Variants in ANKHD1 observed in about 807,000 individuals in gnomAD.
ANKHD1 encodes the protein ankyrin repeat and KH domain containing 1, also known as ankyrin repeat and KH domain-containing protein 1.
Under a neutral mutation model 230.5 loss-of-function variants are expected in ANKHD1, and 31 were observed. The ratio of observed to expected loss-of-function variants is 0.13; its 90% CI spans 0.10 to 0.18. ANKHD1 has a LOEUF of 0.18. ANKHD1 is among the 10% of genes least tolerant of loss of function. ANKHD1 has a pLI of 1.00. For synonymous variants in ANKHD1, 1,074 were observed against 1,117.6 expected (o/e 0.96, Z 0.78); for missense variants, 2,256 against 3,071.3 (o/e 0.73, Z 6.27).
At chr5:140,480,679 C>T (rs557120867) in intron 10 of ANKHD1, among the ~76,000 whole-genome samples, 2 of 152,150 alleles carry the variant, frequency 1.3e-5, no homozygotes, top group South Asian at 2.1e-4. Context: ...GTTGACTTTC[C>T]TTTCTCTTAT....
chr5:140,453,360 G>C (rs1460054964), intron 7 of ANKHD1, among the ~76,000 whole-genome samples: 1 of 152,120 alleles, frequency 6.6e-6, no homozygotes, highest in Non-Finnish European at 1.5e-5. Context: ...GAAATACAGA[G>C]AATGCCACAA....
intron 7 of ANKHD1, among the ~76,000 whole-genome samples, chr5:140,451,684 T>A (rs772561959): frequency 4.6e-5 from 7 of 152,086 alleles, no homozygotes; most frequent in Non-Finnish European, 8.8e-5. Flanking sequence ...AATTTTTGTA[T>A]TTTTTGTAGG....
Position 140,513,357 on chromosome 5 carries a change from C to G in ANKHD1, c.4201-6C>G. 6.2e-7 allele frequency: 1 copy of G among 1,605,414 alleles called. No individual in the cohort carries two copies. The highest frequency in any genetic ancestry group is 1.3e-5 in the African/African-American group (1 of 74,508). On this transcript the variant is annotated splice_polypyrimidine_tract_variant and splice_region_variant and intron_variant, in intron 23 of 33. Coordinates refer to ENST00000360839, the MANE Select transcript of ANKHD1 (RefSeq NM_017747.3). ...TATATTTACATAATTCTATTTCCTG[C>G]TGTAGGAACTGTTGAAAAAATGTCA... is the stretch of plus-strand genomic sequence containing the variant.
Position 140,485,059 on chromosome 5 carries a change from AT to A in ANKHD1, c.1871-60del. 1 of 1,532,374 alleles carries A rather than the reference AT, an allele frequency of 6.5e-7. No individual in the cohort carries two copies. The highest frequency in any genetic ancestry group is 1.2e-5 in the South Asian group (1 of 81,692). The allele number at this position is 1,532,374 out of a possible 1,614,324, so 94.9% of individuals were successfully genotyped here. A position where few individuals can be genotyped will look rare whatever the true frequency, so the allele number is the denominator to read the frequency against. ...ACTTCACAAAAAATTTTTAAATGAT[AT>A]TGACTATGAACTAGCTTGATGTCAA... is the stretch of plus-strand genomic sequence containing the variant. On this transcript the variant is annotated intron_variant, in intron 11 of 33. Transcript: ENST00000360839. This position sits in a 1 kb window ranked among gnomAD's most constrained non-coding sequence, Gnocchi z 4.8.
intron 11 of ANKHD1, among the ~76,000 whole-genome samples, chr5:140,484,347 T>C (rs1432627618): frequency 2.0e-5 from 3 of 152,206 alleles, no homozygotes; most frequent in African/African-American, 7.2e-5. Flanking sequence ...AAAAATAATT[T>C]ATCAAAAAAG....
chr5:140,402,323 C>T (rs1013861221), intron 1 of ANKHD1, 50 bp downstream of exon 1: 8 of 1,419,482 alleles, frequency 5.6e-6, no homozygotes, highest in African/African-American at 3.0e-5. Flanking sequence ...CGTGAATTCT[C>T]TTTGGGTAGG....
chr5:140,536,838 A>G (rs1436236820), intron 30 of ANKHD1, among the ~76,000 whole-genome samples: 1 of 152,174 alleles, frequency 6.6e-6, no homozygotes, highest in African/African-American at 2.4e-5. Flanking sequence ...AGCCTGACCA[A>G]CATGGAGAAA....
intron 1 of ANKHD1, among the ~76,000 whole-genome samples, chr5:140,415,985 T>C (rs1397219976): frequency 6.6e-6 from 1 of 152,130 alleles, no homozygotes; most frequent in Non-Finnish European, 1.5e-5. Flanking sequence ...CCCCACCCTG[T>C]GTCCAAGTGT....
chr5:140,420,350 A>ATT (rs1771877032), intron 1 of ANKHD1, among the ~76,000 whole-genome samples: 1 of 151,940 alleles, frequency 6.6e-6, no homozygotes, highest in Non-Finnish European at 1.5e-5. Context: ...CAATTTATAT[A>ATT]TTTATCTTTT....
intron 10 of ANKHD1, among the ~76,000 whole-genome samples, chr5:140,472,838 A>G (rs537534291): frequency 6.6e-5 from 10 of 152,162 alleles, no homozygotes; most frequent in Non-Finnish European, 1.5e-4. Flanking sequence ...AAGAAGGTGA[A>G]TATTTTTTCA....
intron 31 of ANKHD1, 29 bp downstream of exon 31, chr5:140,537,618 G>A: frequency 1.3e-6 from 2 of 1,501,096 alleles, no homozygotes; most frequent in South Asian, 1.4e-5. Flanking sequence ...CTCTCTGGAG[G>A]GATATCTTAA....
chr5:140,416,545 A>C (rs1193721390), intron 1 of ANKHD1, among the ~76,000 whole-genome samples: 1 of 152,138 alleles, frequency 6.6e-6, no homozygotes. Flanking sequence ...GATCTATTCC[A>C]TTGGTCTATA....
At chr5:140,414,351 C>T (rs1771182378) in intron 1 of ANKHD1, among the ~76,000 whole-genome samples, 1 of 152,142 alleles carries the variant, frequency 6.6e-6, no homozygotes, top group African/African-American at 2.4e-5. Flanking sequence ...CATATTCTAG[C>T]CAACAGTTAT....
intron 7 of ANKHD1, among the ~76,000 whole-genome samples, chr5:140,454,593 A>C (rs1775015834): frequency 6.6e-6 from 1 of 152,232 alleles, no homozygotes; most frequent in African/African-American, 2.4e-5. Context: ...GAAACTGAAC[A>C]ACCTGCTCCT....
chr5:140,464,244 A>C (rs1775930398), intron 9 of ANKHD1, among the ~76,000 whole-genome samples: 2 of 152,122 alleles, frequency 1.3e-5, no homozygotes, highest in South Asian at 4.1e-4. Flanking sequence ...AAAAAAAAAA[A>C]AAACTTATAT....
At chr5:140,517,582 C>T (rs1233694785) in intron 24 of ANKHD1, among the ~76,000 whole-genome samples, 20 of 90,982 alleles carry the variant, frequency 2.2e-4, no homozygotes, top group Admixed American at 6.4e-4. Flanking sequence ...GAAATTATAA[C>T]AAACTATCTC....
rs1751472525 is a variant in ANKHD1 at position 140,485,669 on chromosome 5, T to C, written c.2079T>C (p.Asn693=). The part of the protein sequence containing the change: ...VVSYLLDYPN[N]VLSVPTTDVS... The stretch of plus-strand genomic sequence containing the variant: ...CTTATCTGTTGGATTATCCAAATAA[T>C]GTTCTGTCAGTTCCCACCACAGATG... The change falls in exon 13 of 34, where the codon AAT becomes AAC. Residue 693 remains asparagine, a synonymous_variant. Transcript: ENST00000360839. The surrounding 1 kb of genome is among the most constrained non-coding windows in gnomAD (Gnocchi z 4.8). The C allele has an allele frequency of 3.1e-6, 5 of 1,614,078 alleles. No individual in the cohort carries two copies. Among genetic ancestry groups the C allele is most frequent in the East Asian group, 4.5e-5 (2 of 44,850 alleles).
intron 22 of ANKHD1, among the ~76,000 whole-genome samples, chr5:140,511,951 G>T (rs936184545): frequency 7.2e-5 from 11 of 152,098 alleles, no homozygotes; most frequent in Admixed American, 7.2e-4. Flanking sequence ...AAATAGATAT[G>T]CTGGCCGGGT....
intron 1 of ANKHD1, among the ~76,000 whole-genome samples, chr5:140,429,308 G>C (rs1042167590): frequency 6.6e-6 from 1 of 151,510 alleles, no homozygotes; most frequent in Non-Finnish European, 1.5e-5. Flanking sequence ...TGGCCAGGCT[G>C]GTCTCGATTT....
Sources: allele counts gnomAD v4.1 joint callset (sites outside exome capture counted in the v4.1 genomes callset), GRCh38; gene constraint gnomAD v4.1.1; non-coding constraint Gnocchi (gnomAD v3.1); transcripts MANE v1.5; gene names NCBI Gene and HGNC (gene_info 2026-07-23, HGNC 2026-07-21).